Variants in MECOM observed in about 807,000 individuals in gnomAD.
MECOM encodes histone-lysine N-methyltransferase MECOM.
MECOM carries 13 observed loss-of-function variants against 116.3 expected under a neutral mutation model. That is an observed-to-expected ratio of 0.11 (90% CI 0.07 to 0.18). The LOEUF is 0.18. Among genes scored for constraint, MECOM ranks in the 10% least tolerant of loss-of-function variants. MECOM has a pLI of 1.00. For synonymous variants in MECOM, 528 were observed against 535.2 expected (o/e 0.99, Z 0.19); for missense variants, 1,299 against 1,509.0 (o/e 0.86, Z 2.31).
chr3:169,604,391 G>A (rs1768245458), intron 1 of MECOM, among the ~76,000 whole-genome samples: 1 of 152,162 alleles, frequency 6.6e-6, no homozygotes, highest in Admixed American at 6.5e-5. Context: ...TTTCACAGAC[G>A]AGAAACCTGA....
chr3:169,196,014 A>G (rs1352337), intron 2 of MECOM, among the ~76,000 whole-genome samples: 21,490 of 151,996 alleles, frequency 0.14, 2,402 homozygotes, highest in African/African-American at 0.3. Context: ...TAAACTTTGG[A>G]CTTAGCCAGG....
At chr3:169,211,675 G>A (rs1387830530) in intron 2 of MECOM, among the ~76,000 whole-genome samples, 1 of 152,078 alleles carries the variant, frequency 6.6e-6, no homozygotes, top group South Asian at 2.1e-4. Context: ...AGGGTTTCAT[G>A]TTAGGCTGTT....
In MECOM at chr3:169,331,653, T is replaced by C. The variant is rs542625569; in HGVS notation, c.375+49534A>G. Among the ~76,000 whole-genome samples the C allele has an allele frequency of 2.6e-5, 4 of 152,280 alleles. No homozygotes were observed. The South Asian group carries it at 8.3e-4, about 32-fold the overall frequency. ...CATTTATTGTAAGTCCCACTGAAGA[T>C]TGATCTCAAAATACATAGGATGAAC... On this transcript the variant is annotated intron_variant, in intron 2 of 16. Coordinates refer to ENST00000651503, the MANE Select transcript of MECOM (RefSeq NM_004991.4).
At chr3:169,147,134 G>T (rs1740150272) in intron 2 of MECOM, 1 of 985,682 alleles carries the variant, frequency 1.0e-6, no homozygotes, top group East Asian at 1.1e-4. Context: ...ACTTTCTCTT[G>T]CTCTTATCAG....
chr3:169,451,163 A>ATG (rs1348781282), intron 1 of MECOM, among the ~76,000 whole-genome samples: 1 of 151,876 alleles, frequency 6.6e-6, no homozygotes, highest in Non-Finnish European at 1.5e-5. Flanking sequence ...TGTTCTATGC[A>ATG]TGTGTGTGTG....
At chr3:169,334,907 T>A (rs1334404763) in intron 2 of MECOM, among the ~76,000 whole-genome samples, 1 of 152,156 alleles carries the variant, frequency 6.6e-6, no homozygotes, top group African/African-American at 2.4e-5. Flanking sequence ...ATTACATAGT[T>A]ACCTATTTAG....
intron 2 of MECOM, among the ~76,000 whole-genome samples, chr3:169,352,334 C>G (rs1726466394): frequency 6.6e-6 from 1 of 151,866 alleles, no homozygotes; most frequent in Non-Finnish European, 1.5e-5. Flanking sequence ...AAAACAATCT[C>G]TCACACCAGA....
chr3:169,216,357 C>CTATGGGA (rs1751420559), intron 2 of MECOM, among the ~76,000 whole-genome samples: 1 of 152,048 alleles, frequency 6.6e-6, no homozygotes, highest in African/African-American at 2.4e-5. Flanking sequence ...TATTTCAAGC[C>CTATGGGA]TATGGGATAG....
At chr3:169,556,902 G>A (rs1396260607) in intron 1 of MECOM, among the ~76,000 whole-genome samples, 3 of 152,030 alleles carry the variant, frequency 2.0e-5, no homozygotes, top group Non-Finnish European at 2.9e-5. Context: ...TTCCTGACCC[G>A]TAGAATCTAA....
intron 1 of MECOM, among the ~76,000 whole-genome samples, chr3:169,503,764 A>T (rs1284384498): frequency 1.3e-5 from 2 of 152,194 alleles, no homozygotes; most frequent in Admixed American, 1.3e-4. Context: ...GAAGAAGGAG[A>T]CATATCAAAG....
chr3:169,472,464 GAAGGAAAGGA>G (rs200628251), intron 1 of MECOM, among the ~76,000 whole-genome samples: 750 of 64,102 alleles, frequency 0.012, 22 homozygotes, highest in Admixed American at 0.031. Context: ...GGAAGGGAAA[GAAGGAAAGGA>G]AAGGAAAGGA....
At chr3:169,158,163 C>T (rs921656213) in intron 2 of MECOM, among the ~76,000 whole-genome samples, 3 of 152,086 alleles carry the variant, frequency 2.0e-5, no homozygotes, top group Non-Finnish European at 2.9e-5. Flanking sequence ...GTTTTAGCTA[C>T]GTAACTTTTA....
At chr3:169,545,942 T>C (rs1760678401) in intron 1 of MECOM, among the ~76,000 whole-genome samples, 1 of 152,232 alleles carries the variant, frequency 6.6e-6, no homozygotes, top group Non-Finnish European at 1.5e-5. Flanking sequence ...ATTTGAGATT[T>C]ATATATGAAA....
At chr3:169,530,644 A>AG (rs1758506685) in intron 1 of MECOM, among the ~76,000 whole-genome samples, 1 of 152,064 alleles carries the variant, frequency 6.6e-6, no homozygotes, top group South Asian at 2.1e-4. Flanking sequence ...GTAGAGAGAG[A>AG]GAGGAGGAGC....
rs115794973 is a variant in MECOM at position 169,536,874 on chromosome 3, T to C, written c.37+126462A>G. On this transcript the variant is annotated intron_variant, in intron 1 of 16. Transcript: ENST00000651503. ...TGTAATTGATTTTTCTAACATTATTTTTCAATCTCACAATCCTAAAAGTAA... is the reference window on the plus strand; with the variant it reads ...TGTAATTGATTTTTCTAACATTATTCTTCAATCTCACAATCCTAAAAGTAA... Among the ~76,000 whole-genome samples, 307 of 152,306 alleles carry C rather than the reference T, an allele frequency of 2.0e-3. 4 individuals carry two copies. The highest frequency in any genetic ancestry group is 7.1e-3 in the African/African-American group (294 of 41,576).
intron 1 of MECOM, among the ~76,000 whole-genome samples, chr3:169,632,207 ATTCAAAACACATGTTTT>A (rs957167366): frequency 2.7e-5 from 3 of 110,368 alleles, no homozygotes; most frequent in East Asian, 6.5e-4. Flanking sequence ...ATATATATAT[ATTCAAAACACATGTTTT>A]TTCAAAATAT....
chr3:169,369,968 A>T (rs953692834), intron 2 of MECOM, among the ~76,000 whole-genome samples: 2 of 152,006 alleles, frequency 1.3e-5, no homozygotes, highest in Non-Finnish European at 2.9e-5. Context: ...TTTTAAAACC[A>T]TTAAGACTTC....
At chr3:169,254,956 G>A (rs1756687047) in intron 2 of MECOM, among the ~76,000 whole-genome samples, 1 of 152,076 alleles carries the variant, frequency 6.6e-6, no homozygotes, top group Non-Finnish European at 1.5e-5. Flanking sequence ...AGCTTGAACT[G>A]CTGCTAGCCG....
intron 2 of MECOM, among the ~76,000 whole-genome samples, chr3:169,198,474 C>G (rs1436344322): frequency 6.6e-6 from 1 of 151,900 alleles, no homozygotes; most frequent in African/African-American, 2.4e-5. Context: ...TACTTCCTTC[C>G]CTTGCTTTGG....
Sources: gnomAD v4.1 joint callset for allele counts (sites outside exome capture counted in the v4.1 genomes callset) on GRCh38, gnomAD v4.1.1 for gene constraint, MANE v1.5 for transcripts, NCBI Gene and HGNC (gene_info 2026-07-23, HGNC 2026-07-21) for gene names.